The following SLC6A6 variants were observed in gnomAD, a reference collection of about 807,000 sequenced individuals.
SLC6A6 encodes sodium- and chloride-dependent taurine transporter.
SLC6A6 carries 16 observed loss-of-function variants against 68.8 expected under a neutral mutation model. The ratio of observed to expected loss-of-function variants is 0.23; its 90% CI spans 0.16 to 0.35. The LOEUF (loss-of-function observed/expected upper bound fraction) is 0.35. Ranked by LOEUF, SLC6A6 falls within the 10% of genes least tolerant of loss-of-function variation. The pLI is 1.00. For missense variants in SLC6A6, 474 were observed against 802.8 expected, an observed-to-expected ratio of 0.59 and a Z score of 4.95; for synonymous variants, 312 against 315.4, an observed-to-expected ratio of 0.99 and a Z score of 0.12.
At chr3:14,418,614 A>AT in intron 2 of SLC6A6, among the ~76,000 whole-genome samples, 1 of 152,340 alleles carries the variant, frequency 6.6e-6, no homozygotes, top group East Asian at 1.9e-4. Flanking sequence ...GCATGCTCAT[A>AT]TACTGCCGAG....
At chr3:14,435,705 A>G (rs1384637432) in intron 2 of SLC6A6, among the ~76,000 whole-genome samples, 1 of 152,234 alleles carries the variant, frequency 6.6e-6, no homozygotes, top group Non-Finnish European at 1.5e-5. Flanking sequence ...CAAAGAGAGC[A>G]GACTGGCCAC....
intron 1 of SLC6A6, among the ~76,000 whole-genome samples, chr3:14,407,398 A>C (rs181989536): frequency 2.0e-5 from 3 of 152,146 alleles, no homozygotes; most frequent in Non-Finnish European, 1.5e-5. Flanking sequence ...TGACAAATGT[A>C]TACACCTGTG....
intron 6 of SLC6A6, among the ~76,000 whole-genome samples, chr3:14,464,951 C>T (rs542145259): frequency 6.6e-6 from 1 of 152,344 alleles, no homozygotes; most frequent in African/African-American, 2.4e-5. Context: ...TAGCCCTCCA[C>T]AGGCTCTGGG....
chr3:14,413,385 G>A (rs548021205), intron 1 of SLC6A6, among the ~76,000 whole-genome samples: 14 of 152,346 alleles, frequency 9.2e-5, no homozygotes, highest in East Asian at 3.9e-4. Context: ...CGTAATCGCC[G>A]TCTGCTTTGA....
intron 5 of SLC6A6, among the ~76,000 whole-genome samples, chr3:14,454,062 C>G (rs765184641): frequency 1.3e-5 from 2 of 152,218 alleles, no homozygotes; most frequent in Non-Finnish European, 2.9e-5. Context: ...ATTGGCACCC[C>G]CTCGCTCTTA....
chr3:14,429,110 A>G (rs1387776416), intron 2 of SLC6A6, among the ~76,000 whole-genome samples: 1 of 152,110 alleles, frequency 6.6e-6, no homozygotes, highest in Non-Finnish European at 1.5e-5. Context: ...GGCCTCACTC[A>G]GCTGCCCAGC....
At chr3:14,437,127 A>T (rs1699875632) in intron 2 of SLC6A6, among the ~76,000 whole-genome samples, 1 of 152,182 alleles carries the variant, frequency 6.6e-6, no homozygotes, top group African/African-American at 2.4e-5. Context: ...TGGGAGCAGC[A>T]CCCACTGAGG....
At chr3:14,484,836 T>A in intron 14 of SLC6A6, 31 bp from the exon 15 acceptor site, 1 of 1,605,550 alleles carries the variant, frequency 6.2e-7, no homozygotes, top group African/African-American at 1.3e-5. Context: ...CGCCTGACGT[T>A]TCCCCCCTCA....
intron 2 of SLC6A6, among the ~76,000 whole-genome samples, chr3:14,420,759 C>G (rs982738359): frequency 7.2e-5 from 11 of 152,192 alleles, no homozygotes; most frequent in African/African-American, 2.7e-4. Context: ...TCTGGGATTA[C>G]AGGCATGAGC....
At chr3:14,425,294 A>C (rs1038023996) in intron 2 of SLC6A6, among the ~76,000 whole-genome samples, 1 of 152,176 alleles carries the variant, frequency 6.6e-6, no homozygotes, top group East Asian at 1.9e-4. Flanking sequence ...CAACTAAAAC[A>C]TAGGTGATGC....
At chr3:14,430,821 T>C (rs769979392) in intron 2 of SLC6A6, among the ~76,000 whole-genome samples, 2 of 152,210 alleles carry the variant, frequency 1.3e-5, no homozygotes, top group African/African-American at 2.4e-5. Flanking sequence ...CTCTGTGAAA[T>C]GAGTTCCCTC....
intron 2 of SLC6A6, among the ~76,000 whole-genome samples, chr3:14,418,307 T>G (rs1490642665): frequency 1.3e-5 from 2 of 152,318 alleles, no homozygotes; most frequent in South Asian, 2.1e-4. Flanking sequence ...TGGGGTCCCC[T>G]GTGAAGCCGG....
At chr3:14,478,003 C>T (rs918412581) in intron 11 of SLC6A6, among the ~76,000 whole-genome samples, 1 of 151,732 alleles carries the variant, frequency 6.6e-6, no homozygotes, top group African/African-American at 2.4e-5. Context: ...TGCCCCCCCC[C>T]ACCACCTCCC....
At chr3:14,432,114 C>T (rs1009566749) in intron 2 of SLC6A6, among the ~76,000 whole-genome samples, 1 of 152,168 alleles carries the variant, frequency 6.6e-6, no homozygotes, top group Non-Finnish European at 1.5e-5. Flanking sequence ...GTCACTGGGG[C>T]CTGTATCCTT....
chr3:14,411,386 A>C (rs1699249408), intron 1 of SLC6A6: 1 of 151,200 alleles, frequency 6.6e-6, no homozygotes, highest in South Asian at 2.1e-4. Context: ...CCTTATTCCC[A>C]CTCTTAAGGG....
At chr3:14,410,506 G>T (rs1322124530) in intron 1 of SLC6A6, among the ~76,000 whole-genome samples, 2 of 152,194 alleles carry the variant, frequency 1.3e-5, no homozygotes, top group Non-Finnish European at 2.9e-5. Context: ...GAGCAGCTCT[G>T]GCCACTGCAT....
chr3:14,469,743 T>C (rs1700709099), intron 9 of SLC6A6, among the ~76,000 whole-genome samples: 1 of 152,086 alleles, frequency 6.6e-6, no homozygotes, highest in East Asian at 1.9e-4. Context: ...CCAGAGCCCC[T>C]GGCCCCTCCT....
chr3:14,419,761 A>G (rs1202245393), intron 2 of SLC6A6, among the ~76,000 whole-genome samples: 1 of 152,116 alleles, frequency 6.6e-6, no homozygotes, highest in Non-Finnish European at 1.5e-5. Flanking sequence ...AGCACCCCAC[A>G]TGCAATTTCT....
chr3:14,408,406 C>G, intron 1 of SLC6A6, among the ~76,000 whole-genome samples: 1 of 151,716 alleles, frequency 6.6e-6, no homozygotes, highest in Non-Finnish European at 1.5e-5. Context: ...TTGACCTCAG[C>G]TCACTGCAAC....
Sources: allele counts gnomAD v4.1 joint callset (sites outside exome capture counted in the v4.1 genomes callset), GRCh38; gene constraint gnomAD v4.1.1; transcripts MANE v1.5; gene names NCBI Gene and HGNC (gene_info 2026-07-23, HGNC 2026-07-21).